Variants in PTGFRN observed in about 807,000 individuals in gnomAD.
PTGFRN encodes the protein prostaglandin F2 receptor negative regulator.
A neutral mutation model predicts 83.2 loss-of-function variants in PTGFRN; 35 were observed. The observed-to-expected ratio is 0.42, with a 90% confidence interval of 0.32 to 0.56. The LOEUF (loss-of-function observed/expected upper bound fraction) is 0.56. Ranked by LOEUF, PTGFRN falls within the 20% of genes least tolerant of loss-of-function variation. The pLI is 0.11. For missense variants in PTGFRN, 1,051 were observed against 1,179.5 expected, an observed-to-expected ratio of 0.89 and a Z score of 1.60; for synonymous variants, 519 against 498.6, an observed-to-expected ratio of 1.04 and a Z score of -0.55.
chr1:116,912,437 C>T (rs1649296338), intron 1 of PTGFRN, among the ~76,000 whole-genome samples: 1 of 152,162 alleles, frequency 6.6e-6, no homozygotes, highest in Admixed American at 6.5e-5. Context: ...GATCATCTTT[C>T]CTCCTGGGGT....
At chr1:116,917,642 C>T (rs1649437049) in intron 1 of PTGFRN, among the ~76,000 whole-genome samples, 1 of 152,250 alleles carries the variant, frequency 6.6e-6, no homozygotes, top group African/African-American at 2.4e-5. Flanking sequence ...CTGTCTCTCT[C>T]TTTTTAGGAC....
chr1:116,911,800 A>C (rs1649279570), intron 1 of PTGFRN, among the ~76,000 whole-genome samples: 1 of 152,080 alleles, frequency 6.6e-6, no homozygotes, highest in African/African-American at 2.4e-5. Context: ...GCTCCACCAC[A>C]CCCGGTGGTA....
intron 1 of PTGFRN, among the ~76,000 whole-genome samples, chr1:116,913,268 G>C (rs539428457): frequency 1.3e-5 from 2 of 152,216 alleles, no homozygotes; most frequent in Non-Finnish European, 2.9e-5. Flanking sequence ...TTTGAGTTGA[G>C]CCTTGAGGAT....
In PTGFRN at chr1:116,961,115, C is replaced by G. The variant is rs923782363; in HGVS notation, c.1214-128C>G. On this transcript the variant is annotated intron_variant, in intron 4 of 8. Coordinates refer to ENST00000393203, the MANE Select transcript of PTGFRN (RefSeq NM_020440.4). This position sits in a 1 kb window ranked among gnomAD's most constrained non-coding sequence, Gnocchi z 5.4. ...ATCCAATGCAACGACTGATTTCTGT[C>G]TCTCTAGTCCGGCAGGAGAAGCATT... 8 of 1,040,488 alleles carry G rather than the reference C, an allele frequency of 7.7e-6. No individual in the cohort carries two copies. In the African/African-American group the frequency reaches 1.1e-4, roughly 15 times the overall value. 64.5% of individuals were successfully genotyped at this position (1,040,488 alleles called of 1,614,324 possible). A position where few individuals can be genotyped will look rare whatever the true frequency, so the allele number is the denominator to read the frequency against.
At chr1:116,917,272 G>A (rs1415928239) in intron 1 of PTGFRN, among the ~76,000 whole-genome samples, 1 of 151,870 alleles carries the variant, frequency 6.6e-6, no homozygotes, top group Admixed American at 6.5e-5. Flanking sequence ...CACTGTGAGG[G>A]TAGTGGCTCA....
chr1:116,910,269 C>T lies in PTGFRN; in HGVS notation c.49+17C>T, dbSNP rs1175716062. 4 of 1,409,706 alleles carry T rather than the reference C, an allele frequency of 2.8e-6. No homozygotes were observed. The highest frequency in any genetic ancestry group is 3.0e-5 in the African/African-American group (2 of 66,126). The allele number at this position is 1,409,706 out of a possible 1,614,324, so 87.3% of individuals were successfully genotyped here. On this transcript the variant is annotated intron_variant, in intron 1 of 8. Transcript: ENST00000393203. ...TGTCGTTGGGTGAGTGTGCGCGGGG[C>T]TCAGCGGGGCACACGGGGACTGGCG...
Position 116,944,841 on chromosome 1 carries a change from G to A in PTGFRN, c.581G>A (p.Arg194Gln), listed in dbSNP as rs764154747. Residue 194 changes from arginine to glutamine, a missense_variant, in exon 3 of 9, where the codon CGG becomes CAG. Arg to Gln is a conservative substitution (Grantham distance 43). Transcript: ENST00000393203. ...LWEVHRGPAR[R>Q]SVLALTHEGR... The stretch of plus-strand genomic sequence containing the variant: ...GAGGTGCACCGCGGCCCGGCCAGGC[G>A]GAGCGTCCTCGCCCTGACCCACGAG... The A allele has an allele frequency of 3.1e-6, 5 of 1,590,496 alleles. No homozygotes were observed. Among genetic ancestry groups the A allele is most frequent in the East Asian group, 2.3e-5 (1 of 44,034 alleles).
chr1:116,924,302 ACACCC>A (rs1388836782), intron 1 of PTGFRN, among the ~76,000 whole-genome samples: 1 of 140,266 alleles, frequency 7.1e-6, no homozygotes, highest in East Asian at 2.0e-4. Flanking sequence ...GCCTGCCACC[ACACCC>A]GGCTAATTTT....
intron 1 of PTGFRN, among the ~76,000 whole-genome samples, chr1:116,913,566 C>T (rs538416239): frequency 2.6e-5 from 4 of 152,240 alleles, no homozygotes; most frequent in Admixed American, 1.3e-4. Flanking sequence ...GCCAGCCAGT[C>T]TGTGCCCTGT....
In PTGFRN at chr1:116,945,065, G is replaced by C; in HGVS notation, c.805G>C (p.Val269Leu). Reference protein sequence around the residue: ...WQEIQEKAVEVATVVIQPSVL... With the variant: ...WQEIQEKAVELATVVIQPSVL... Reference sequence around the variant, plus strand: ...GGAAATCCAAGAAAAGGCCGTGGAAGTTGCCACCGTGGTGATCCAGCCATC... The same window carrying C: ...GGAAATCCAAGAAAAGGCCGTGGAACTTGCCACCGTGGTGATCCAGCCATC... The change falls in exon 3 of 9, where the codon GTT becomes CTT. Residue 269 changes from valine to leucine, a missense_variant. By Grantham distance (32) the Val-to-Leu change is conservative. Around this residue, in one of 3 missense-constraint regions of PTGFRN, gnomAD observed 719 missense variants for 836.6 expected, o/e 0.86. Transcript: ENST00000393203. 1 of 1,613,330 alleles carries C rather than the reference G, an allele frequency of 6.2e-7. No homozygotes were observed. Among genetic ancestry groups the C allele is most frequent in the South Asian group, 1.1e-5 (1 of 91,072 alleles).
At chr1:116,964,889 G>T (rs1297901735) in intron 5 of PTGFRN, among the ~76,000 whole-genome samples, 1 of 152,214 alleles carries the variant, frequency 6.6e-6, no homozygotes, top group African/African-American at 2.4e-5. Context: ...ACCCTTGCCT[G>T]GATTACATCC....
intron 1 of PTGFRN, among the ~76,000 whole-genome samples, chr1:116,940,440 C>T (rs1306877002): frequency 6.6e-6 from 1 of 152,186 alleles, no homozygotes; most frequent in Non-Finnish European, 1.5e-5. Flanking sequence ...GGATTAGGGG[C>T]TCACCCTATT....
At chr1:116,971,118 T>A (rs1650982923) in intron 6 of PTGFRN, among the ~76,000 whole-genome samples, 1 of 152,166 alleles carries the variant, frequency 6.6e-6, no homozygotes, top group African/African-American at 2.4e-5. Context: ...TCCTAGAATG[T>A]TTTTCTTGTA....
rs1450959358 is a variant in PTGFRN at position 116,944,879 on chromosome 1, C to T, written c.619C>T (p.Pro207Ser). 1.2e-6 allele frequency: 2 copies of T among 1,608,698 alleles called. No individual in the cohort carries two copies. The highest frequency in any genetic ancestry group is 8.5e-7 in the Non-Finnish European group (1 of 1,178,592). Residue 207 changes from proline to serine, a missense_variant, in exon 3 of 9, where the codon CCG (proline) becomes TCG (serine). By Grantham distance (74) the Pro-to-Ser change is moderately conservative (BLOSUM62 -1). Around this residue, in one of 3 missense-constraint regions of PTGFRN, gnomAD observed 205 missense variants for 174.5 expected, o/e 1.17. Transcript: ENST00000393203. The stretch of plus-strand genomic sequence containing the variant: ...CCTGACCCACGAGGGCAGGTTCCAC[C>T]CGGGCCTGGGGTACGAGCAGCGCTA... ...LALTHEGRFH[P>S]GLGYEQRYHS...
intron 6 of PTGFRN, among the ~76,000 whole-genome samples, chr1:116,970,836 A>C (rs912907948): frequency 6.6e-6 from 1 of 152,146 alleles, no homozygotes; most frequent in African/African-American, 2.4e-5. Flanking sequence ...GGTTCTTCCC[A>C]TGTTCACCTT....
intron 8 of PTGFRN, among the ~76,000 whole-genome samples, chr1:116,986,437 T>A (rs2101094499): frequency 6.6e-6 from 1 of 152,302 alleles, no homozygotes; most frequent in Non-Finnish European, 1.5e-5. Context: ...TAGGATTGAT[T>A]TATGCATGGT....
Position 116,961,699 on chromosome 1 carries a change from G to C in PTGFRN, c.1639+31G>C. On this transcript the variant is annotated intron_variant, in intron 5 of 8. Transcript: ENST00000393203. The surrounding 1 kb of genome is among the most constrained non-coding windows in gnomAD (Gnocchi z 5.4). The stretch of plus-strand genomic sequence containing the variant: ...AACTTTTTTCTTGTTATTCATTTTT[G>C]TTTTGTCTTTGCTTAAGTCGTGCCG... 6.3e-7 allele frequency: 1 copy of C among 1,579,914 alleles called. No homozygotes were observed. Among genetic ancestry groups the C allele is most frequent in the Non-Finnish European group, 8.6e-7 (1 of 1,162,850 alleles).
intron 4 of PTGFRN, among the ~76,000 whole-genome samples, chr1:116,950,040 T>G (rs1305101647): frequency 6.6e-6 from 1 of 152,056 alleles, no homozygotes; most frequent in Non-Finnish European, 1.5e-5. Flanking sequence ...TCCCACAATA[T>G]ATCTGTATAT....
At chr1:116,956,926 A>T (rs74408251) in intron 4 of PTGFRN, among the ~76,000 whole-genome samples, 8,836 of 152,072 alleles carry the variant, frequency 0.058, 589 homozygotes, top group East Asian at 0.4. Flanking sequence ...GACACTGAGG[A>T]GGTAGAATGT....
Sources: gnomAD v4.1 joint callset for allele counts (sites outside exome capture counted in the v4.1 genomes callset) on GRCh38, gnomAD v4.1.1 for gene constraint, gnomAD v4.1.1 regional missense constraint, Gnocchi (gnomAD v3.1) non-coding constraint, MANE v1.5 for transcripts, NCBI Gene and HGNC (gene_info 2026-07-23, HGNC 2026-07-21) for gene names.